The following LRRC4C variants were observed in gnomAD, a reference collection of about 807,000 sequenced individuals.
LRRC4C encodes the protein leucine rich repeat containing 4C, also known as leucine-rich repeat-containing protein 4C.
LRRC4C carries 5 observed loss-of-function variants against 33.6 expected under a neutral mutation model. That is an observed-to-expected ratio of 0.15 (90% CI 0.08 to 0.31). LRRC4C has a LOEUF of 0.31. LRRC4C is among the 10% of genes least tolerant of loss of function. LRRC4C has a pLI of 1.00. For missense variants in LRRC4C, 560 were observed against 796.7 expected, an observed-to-expected ratio of 0.70 and a Z score of 3.58; for synonymous variants, 329 against 302.0, an observed-to-expected ratio of 1.09 and a Z score of -0.93.
At chr11:40,226,795 T>C (rs1170467318) in intron 5 of LRRC4C, among the ~76,000 whole-genome samples, 1 of 152,192 alleles carries the variant, frequency 6.6e-6, no homozygotes, top group East Asian at 1.9e-4. Flanking sequence ...TAAAATGTAG[T>C]TTATATCGCA....
chr11:40,752,310 A>C (rs966092040), intron 2 of LRRC4C, among the ~76,000 whole-genome samples: 2 of 152,128 alleles, frequency 1.3e-5, no homozygotes, highest in African/African-American at 4.8e-5. Context: ...GTAAAGAGAT[A>C]ACCTACAGAA....
intron 1 of LRRC4C, among the ~76,000 whole-genome samples, chr11:41,400,209 A>T (rs958647444): frequency 6.6e-6 from 1 of 151,952 alleles, no homozygotes; most frequent in Non-Finnish European, 1.5e-5. Context: ...TAGTAAGAGT[A>T]AAAATGTGCA....
intron 2 of LRRC4C, among the ~76,000 whole-genome samples, chr11:40,792,710 C>A (rs1241191758): frequency 6.6e-6 from 1 of 152,070 alleles, no homozygotes; most frequent in Non-Finnish European, 1.5e-5. Flanking sequence ...CAGCAATATT[C>A]ACAATAGCAA....
rs192998156 is a variant in LRRC4C, at chr11:41,400,682, A to G, written c.-496+58749T>C. Among the ~76,000 whole-genome samples, 36 of 152,066 alleles carry G rather than the reference A, an allele frequency of 2.4e-4. 2 individuals carry two copies. In the East Asian group the frequency reaches 6.6e-3, roughly 28 times the overall value. ...ATAAGATTCACAATACACAACATAG[A>G]ACATTCTAGAAAGAACTGACCAAAG... On this transcript the variant is annotated intron_variant, in intron 1 of 6. Coordinates refer to ENST00000528697, the MANE Select transcript of LRRC4C (RefSeq NM_001258419.2).
chr11:40,321,671 G>A (rs1945855430), intron 3 of LRRC4C, among the ~76,000 whole-genome samples: 1 of 152,026 alleles, frequency 6.6e-6, no homozygotes, highest in African/African-American at 2.4e-5. Flanking sequence ...GCTACTTCTG[G>A]GCCAGTACAT....
At chr11:40,918,816 T>C (rs900585877) in intron 2 of LRRC4C, among the ~76,000 whole-genome samples, 5 of 152,150 alleles carry the variant, frequency 3.3e-5, no homozygotes, top group African/African-American at 9.7e-5. Flanking sequence ...CCAATTTTAA[T>C]GATGAGTTAA....
At chr11:40,189,333 C>T (rs1423754545) in intron 5 of LRRC4C, among the ~76,000 whole-genome samples, 2 of 152,142 alleles carry the variant, frequency 1.3e-5, no homozygotes, top group African/African-American at 4.8e-5. Context: ...TTCTATAAAT[C>T]CTGGTTCTTT....
intron 2 of LRRC4C, among the ~76,000 whole-genome samples, chr11:40,655,605 C>T (rs1346654009): frequency 6.6e-6 from 1 of 152,066 alleles, no homozygotes; most frequent in African/African-American, 2.4e-5. Context: ...CTACAGAAAC[C>T]CACTGTCCTG....
chr11:40,133,369 G>A (rs1418224766), intron 6 of LRRC4C, among the ~76,000 whole-genome samples: 3 of 152,068 alleles, frequency 2.0e-5, no homozygotes, highest in African/African-American at 4.8e-5. Flanking sequence ...ACCTCCCAAC[G>A]TTTTACCAAG....
At chr11:40,853,993 A>G (rs1162774188) in intron 2 of LRRC4C, among the ~76,000 whole-genome samples, 1 of 152,098 alleles carries the variant, frequency 6.6e-6, no homozygotes, top group Admixed American at 6.5e-5. Flanking sequence ...AGGTAATCAA[A>G]AATATCACAA....
At chr11:40,376,342 T>C (rs1004235153) in intron 3 of LRRC4C, among the ~76,000 whole-genome samples, 4 of 152,276 alleles carry the variant, frequency 2.6e-5, no homozygotes, top group African/African-American at 7.2e-5. Context: ...CCATGTCTTA[T>C]AGATCTGATT....
chr11:40,893,603 C>A (rs1202074171), intron 2 of LRRC4C, among the ~76,000 whole-genome samples: 1 of 151,954 alleles, frequency 6.6e-6, no homozygotes, highest in African/African-American at 2.4e-5. Flanking sequence ...AGAGACATTT[C>A]TCAGAACTTA....
chr11:40,737,769 C>A (rs991655048), intron 2 of LRRC4C, among the ~76,000 whole-genome samples: 2 of 152,104 alleles, frequency 1.3e-5, no homozygotes, highest in East Asian at 1.9e-4. Context: ...TATGAAGAAT[C>A]AATACTGTGA....
At chr11:41,317,541 C>G (rs918120846) in intron 1 of LRRC4C, among the ~76,000 whole-genome samples, 2 of 152,108 alleles carry the variant, frequency 1.3e-5, no homozygotes, top group Non-Finnish European at 2.9e-5. Context: ...CCATACCCAA[C>G]ATAACCTTCA....
At chr11:40,244,059 A>G (rs1008061589) in intron 4 of LRRC4C, among the ~76,000 whole-genome samples, 2 of 152,032 alleles carry the variant, frequency 1.3e-5, no homozygotes, top group Admixed American at 1.3e-4. Context: ...ATGTGTAAAG[A>G]ACTAAGAATG....
chr11:40,632,286 T>C (rs183781857), intron 3 of LRRC4C, among the ~76,000 whole-genome samples: 1 of 152,302 alleles, frequency 6.6e-6, no homozygotes, highest in East Asian at 1.9e-4. Flanking sequence ...TGGAGACATA[T>C]CCTTGAATTG....
At chr11:41,124,593 A>G (rs1434596796) in intron 1 of LRRC4C, among the ~76,000 whole-genome samples, 1 of 54,762 alleles carries the variant, frequency 1.8e-5, no homozygotes, top group East Asian at 6.5e-4. Flanking sequence ...AATGCTTTTT[A>G]AAAACTTAAT....
intron 1 of LRRC4C, among the ~76,000 whole-genome samples, chr11:41,092,296 G>A (rs1348641615): frequency 6.6e-6 from 1 of 152,086 alleles, no homozygotes; most frequent in African/African-American, 2.4e-5. Flanking sequence ...GGAGGAAGTA[G>A]ACGATGAGAA....
At chr11:41,451,078 A>C (rs1956005142) in intron 1 of LRRC4C, among the ~76,000 whole-genome samples, 1 of 152,118 alleles carries the variant, frequency 6.6e-6, no homozygotes, top group Non-Finnish European at 1.5e-5. Context: ...TGAGGGAAAA[A>C]TCGGATTGTT....
Sources: gnomAD v4.1 joint callset for allele counts (sites outside exome capture counted in the v4.1 genomes callset) on GRCh38, gnomAD v4.1.1 for gene constraint, MANE v1.5 for transcripts, NCBI Gene and HGNC (gene_info 2026-07-23, HGNC 2026-07-21) for gene names.